The following JMJD1C variants were observed in gnomAD, a reference collection of about 807,000 sequenced individuals.
JMJD1C encodes the protein jumonji domain-containing protein 1C.
In JMJD1C, 31 loss-of-function variants were observed where a neutral mutation model predicts 245.3. That is an observed-to-expected ratio of 0.13 (90% CI 0.09 to 0.17). JMJD1C has a LOEUF of 0.17. JMJD1C is among the 10% of genes least tolerant of loss of function. JMJD1C has a pLI of 1.00. For synonymous variants in JMJD1C, 1,057 were observed against 1,017.4 expected, an observed-to-expected ratio of 1.04 and a Z score of -0.74; for missense variants, 2,691 against 3,000.2, an observed-to-expected ratio of 0.90 and a Z score of 2.41.
At chr10:63,441,770 C>T (rs1353688661) in intron 1 of JMJD1C, among the ~76,000 whole-genome samples, 2 of 152,132 alleles carry the variant, frequency 1.3e-5, no homozygotes, top group African/African-American at 4.8e-5. Flanking sequence ...ACACTCAACC[C>T]TCTTCCTTTG....
intron 1 of JMJD1C, among the ~76,000 whole-genome samples, chr10:63,394,248 G>A (rs1292832662): frequency 6.8e-6 from 1 of 148,002 alleles, no homozygotes; most frequent in African/African-American, 2.5e-5. Context: ...TAGACACACA[G>A]ATGAATAAGA....
rs974710950 is a variant in JMJD1C, at chr10:63,176,637, T to G, written c.7225-164A>C. 7 of 614,096 alleles carry G rather than the reference T, an allele frequency of 1.1e-5. No individual in the cohort carries two copies. In the African/African-American group the frequency reaches 1.3e-4, roughly 11 times the overall value. 38.0% of individuals were successfully genotyped at this position (614,096 alleles called of 1,614,324 possible). Reference sequence around the variant, plus strand: ...TAAAAAATAACATTCTGCAATAATTTGGAAAGCCAAAGAATATTAAAACAA... The same window carrying G: ...TAAAAAATAACATTCTGCAATAATTGGGAAAGCCAAAGAATATTAAAACAA... On this transcript the variant is annotated intron_variant, in intron 23 of 25. Coordinates refer to ENST00000399262, the MANE Select transcript of JMJD1C (RefSeq NM_032776.3).
intron 2 of JMJD1C, among the ~76,000 whole-genome samples, chr10:63,282,221 C>T (rs1857492513): frequency 6.6e-6 from 1 of 152,152 alleles, no homozygotes; most frequent in South Asian, 2.1e-4. Context: ...ATGTCAGCAA[C>T]AATCTGGAAG....
chr10:63,192,185 G>A (rs975683057), intron 16 of JMJD1C, among the ~76,000 whole-genome samples: 3 of 147,576 alleles, frequency 2.0e-5, no homozygotes, highest in Non-Finnish European at 3.0e-5. Context: ...CTGGGAAGAC[G>A]AGGTAGACTG....
At chr10:63,271,692 C>A (rs1174149787) in intron 2 of JMJD1C, among the ~76,000 whole-genome samples, 2 of 152,188 alleles carry the variant, frequency 1.3e-5, no homozygotes, top group Non-Finnish European at 2.9e-5. Context: ...GCTGGGATTA[C>A]ATGCATGCAC....
intron 2 of JMJD1C, among the ~76,000 whole-genome samples, chr10:63,330,209 C>CGGTGT (rs1942000222): frequency 6.6e-6 from 1 of 152,064 alleles, no homozygotes; most frequent in African/African-American, 2.4e-5. Flanking sequence ...GCCCTAAGCA[C>CGGTGT]GTTTAAAGGT....
chr10:63,347,583 C>CAA (rs551998323), intron 2 of JMJD1C, among the ~76,000 whole-genome samples: 66 of 65,400 alleles, frequency 1.0e-3, no homozygotes, highest in African/African-American at 3.7e-3. Context: ...GAGTCCATCT[C>CAA]AAAAAAAAAA....
chr10:63,455,247 G>C (rs892553275), intron 1 of JMJD1C, among the ~76,000 whole-genome samples: 21 of 152,228 alleles, frequency 1.4e-4, no homozygotes, highest in African/African-American at 5.1e-4. Flanking sequence ...TTTTAGTACA[G>C]ATTTTTGTCC....
At chr10:63,290,896 G>A (rs1858594908) in intron 2 of JMJD1C, among the ~76,000 whole-genome samples, 1 of 152,030 alleles carries the variant, frequency 6.6e-6, no homozygotes, top group Non-Finnish European at 1.5e-5. Flanking sequence ...TTTTAAGATA[G>A]CAAATATTGA....
rs762484791 is a variant in JMJD1C at position 63,439,301 on chromosome 10, T to C, written c.168+26194A>G. On this transcript the variant is annotated intron_variant, in intron 1 of 25. Transcript: ENST00000399262. Reference sequence around the variant, plus strand: ...AGTAAGTTATTGTGTAATGTTCTGTTCCTGGCTTTCACTGAGAATTATTAT... The same window carrying C: ...AGTAAGTTATTGTGTAATGTTCTGTCCCTGGCTTTCACTGAGAATTATTAT... 1.1e-3 allele frequency among the ~76,000 whole-genome samples: 173 copies of C among 152,330 alleles called. 1 individual carries two copies. Among genetic ancestry groups the C allele is most frequent in the Non-Finnish European group, 1.5e-3 (103 of 68,024 alleles).
intron 24 of JMJD1C, among the ~76,000 whole-genome samples, chr10:63,175,989 T>C (rs1305347934): frequency 6.6e-6 from 1 of 152,200 alleles, no homozygotes; most frequent in Admixed American, 6.5e-5. Context: ...TGTCCCCCCA[T>C]GCTTTTAAGC....
Position 63,207,290 on chromosome 10 carries a change from C to T in JMJD1C, c.4379G>A (p.Ser1460Asn), listed in dbSNP as rs1337251415. 9.3e-6 allele frequency: 15 copies of T among 1,613,670 alleles called. 1 individual carries two copies. The highest frequency in any genetic ancestry group is 7.7e-5 in the South Asian group (7 of 91,092). ...TTGAACAACACTTCCTGTCTTACTA[C>T]TGGCTAATGTAACTGGTGCTGTGGT... is the stretch of plus-strand genomic sequence containing the variant. ...VSTTAPVTLA[S>N]SKTGSVVQPS... Residue 1460 changes from serine (S) to asparagine (N), a missense_variant, in exon 10 of 26, where the codon AGT becomes AAT. By Grantham distance (46) the Ser-to-Asn change is conservative. Transcript: ENST00000399262.
intron 2 of JMJD1C, among the ~76,000 whole-genome samples, chr10:63,295,370 G>T (rs1314007664): frequency 6.6e-6 from 1 of 151,626 alleles, no homozygotes; most frequent in Non-Finnish European, 1.5e-5. Flanking sequence ...GCCACCCAAA[G>T]TCACAGGTGT....
At chr10:63,450,424 G>A (rs1951978489) in intron 1 of JMJD1C, among the ~76,000 whole-genome samples, 2 of 151,886 alleles carry the variant, frequency 1.3e-5, no homozygotes. Context: ...TAGGACTACT[G>A]CCTGGGTAAA....
Position 63,177,803 on chromosome 10 carries a change from A to G in JMJD1C, c.7138T>C (p.Leu2380=), listed in dbSNP as rs1241769764. ...EDLDDILRKR[L]KDSSEIPGAL... ...CCAGGTATTTCACTTGAGTCCTTCA[A>G]TCTTTTCCTTAAAATGTCATCCAAA... Residue 2380 remains leucine, a synonymous_variant, in exon 23 of 26, where the codon TTG becomes CTG. Coordinates refer to ENST00000399262, the MANE Select transcript of JMJD1C (RefSeq NM_032776.3). The G allele has an allele frequency of 4.3e-6, 7 of 1,613,798 alleles. No homozygotes were observed. Among genetic ancestry groups the G allele is most frequent in the Non-Finnish European group, 5.9e-6 (7 of 1,179,750 alleles).
In JMJD1C at chr10:63,207,352, A is replaced by C. The variant is rs147444869; in HGVS notation, c.4317T>G (p.Ser1439Arg). Residue 1439 changes from serine to arginine, a missense_variant, in exon 10 of 26, where the codon AGT becomes AGG. Physicochemically the swap from Ser to Arg is moderately radical, Grantham distance 110. This residue lies in a region of JMJD1C where 1,562 missense variants were observed against 1,490.7 expected (regional missense o/e 1.05). Transcript: ENST00000399262. ...SSECVSSKSV[S>R]QPVAQKQECK... ...ATTCTTGTTTTTGAGCCACTGGCTG[A>C]CTGACACTTTTTGAAGATACACATT... 4.3e-6 allele frequency: 7 copies of C among 1,613,916 alleles called. No individual in the cohort carries two copies. Among genetic ancestry groups the C allele is most frequent in the Non-Finnish European group, 5.9e-6 (7 of 1,180,030 alleles).
At chr10:63,504,074 C>A (rs1239163770) in intron 1 of JMJD1C, among the ~76,000 whole-genome samples, 1 of 152,122 alleles carries the variant, frequency 6.6e-6, no homozygotes, top group Admixed American at 6.5e-5. Context: ...TTGAGGTATA[C>A]TACATAAAAT....
At chr10:63,409,249 C>T (rs1053751240) in intron 1 of JMJD1C, among the ~76,000 whole-genome samples, 3 of 152,168 alleles carry the variant, frequency 2.0e-5, no homozygotes, top group Non-Finnish European at 2.9e-5. Context: ...CTTCCATACA[C>T]AGAAAATTCT....
At chr10:63,404,720 T>C (rs1460098671) in intron 1 of JMJD1C, among the ~76,000 whole-genome samples, 1 of 152,072 alleles carries the variant, frequency 6.6e-6, no homozygotes, top group Non-Finnish European at 1.5e-5. Context: ...ATGTAAAACA[T>C]CTAAAATCCA....
Sources: gnomAD v4.1 joint callset for allele counts (sites outside exome capture counted in the v4.1 genomes callset) on GRCh38, gnomAD v4.1.1 for gene constraint, gnomAD v4.1.1 regional missense constraint, MANE v1.5 for transcripts, NCBI Gene and HGNC (gene_info 2026-07-23, HGNC 2026-07-21) for gene names.